Variants in NCAM2 observed in about 807,000 individuals in gnomAD.
NCAM2 encodes N-CAM-2.
In NCAM2, 30 loss-of-function variants were observed where a neutral mutation model predicts 98.1. The ratio of observed to expected loss-of-function variants is 0.31; its 90% CI spans 0.23 to 0.41. The LOEUF (loss-of-function observed/expected upper bound fraction) is 0.41, where lower values mean the gene tolerates loss of function less well. Among genes scored for constraint, NCAM2 ranks in the 10% least tolerant of loss-of-function variants. The pLI is 1.00. For missense variants in NCAM2, 867 were observed against 1,005.8 expected, an observed-to-expected ratio of 0.86 and a Z score of 1.87; for synonymous variants, 368 against 342.4, an observed-to-expected ratio of 1.07 and a Z score of -0.83.
At chr21:21,034,077 A>G (rs1379352224) in intron 1 of NCAM2, among the ~76,000 whole-genome samples, 1 of 151,826 alleles carries the variant, frequency 6.6e-6, no homozygotes, top group East Asian at 1.9e-4. Flanking sequence ...AAAGATTGAG[A>G]TAAGCAGATA....
intron 1 of NCAM2, among the ~76,000 whole-genome samples, chr21:21,270,635 C>T (rs895401491): frequency 2.0e-5 from 3 of 152,068 alleles, no homozygotes; most frequent in East Asian, 1.9e-4. Context: ...TCATACAATG[C>T]GTTTTAGGAA....
chr21:21,101,080 A>G (rs2066231140), intron 1 of NCAM2, among the ~76,000 whole-genome samples: 1 of 152,020 alleles, frequency 6.6e-6, no homozygotes, highest in South Asian at 2.1e-4. Context: ...GAGGTATTAC[A>G]AAGAAGAGAA....
At chr21:21,301,934 A>G (rs1299499336) in intron 5 of NCAM2, among the ~76,000 whole-genome samples, 1 of 145,580 alleles carries the variant, frequency 6.9e-6, no homozygotes, top group African/African-American at 2.6e-5. Context: ...ACCAGTTAGA[A>G]TGGCAATCAT....
intron 2 of NCAM2, among the ~76,000 whole-genome samples, chr21:21,283,677 A>C (rs995363088): frequency 3.3e-5 from 5 of 151,878 alleles, no homozygotes; most frequent in African/African-American, 1.2e-4. Flanking sequence ...ATTAATTTCA[A>C]ATTTAGTATT....
chr21:21,446,225 A>G (rs1349715204), intron 12 of NCAM2, among the ~76,000 whole-genome samples: 3 of 152,042 alleles, frequency 2.0e-5, no homozygotes, highest in Non-Finnish European at 4.4e-5. Flanking sequence ...GGGCTTCCCC[A>G]TGTAGGTGAC....
At position 21,156,476 on chromosome 21, in the gene NCAM2, T is replaced by A. The variant is rs187415862; in HGVS notation, c.56-124102T>A. Among the ~76,000 whole-genome samples the A allele has an allele frequency of 3.4e-3, 521 of 151,944 alleles. 3 individuals are homozygous for A. The highest frequency in any genetic ancestry group is 0.012 in the African/African-American group (503 of 41,472). On this transcript the variant is annotated intron_variant, in intron 1 of 17. Transcript: ENST00000400546. ...ACAGTATACCTAGTCAGAAAAAAAA[T>A]AATTGCTTGATAATCCTATGAAAGT...
chr21:21,291,887 TA>T, intron 4 of NCAM2, among the ~76,000 whole-genome samples: 1 of 139,092 alleles, frequency 7.2e-6, no homozygotes, highest in East Asian at 2.3e-4. Context: ...TATTTTATTT[TA>T]TTCTTTTAGG....
At chr21:21,314,043 T>G (rs1340500940) in intron 5 of NCAM2, among the ~76,000 whole-genome samples, 7 of 152,168 alleles carry the variant, frequency 4.6e-5, no homozygotes, top group Non-Finnish European at 2.9e-5. Flanking sequence ...TTTTATTCTT[T>G]CAACCATTAA....
chr21:21,059,622 T>C lies in NCAM2; in HGVS notation c.55+61004T>C, dbSNP rs375360064. Among the ~76,000 whole-genome samples, 78 of 152,220 alleles carry C rather than the reference T, an allele frequency of 5.1e-4. 3 individuals carry two copies. In the South Asian group the frequency reaches 0.016, roughly 31 times the overall value. ...ATAGCATTTCTCATACAAGCCACAT[T>C]TTATTGACAAGTTAAAAATGGTTTT... On this transcript the variant is annotated intron_variant, in intron 1 of 17. Transcript: ENST00000400546.
chr21:21,322,577 G>T (rs2074404110), intron 5 of NCAM2, among the ~76,000 whole-genome samples: 1 of 152,140 alleles, frequency 6.6e-6, no homozygotes, highest in African/African-American at 2.4e-5. Context: ...AACAGAATTG[G>T]AATTGAATTA....
intron 15 of NCAM2, among the ~76,000 whole-genome samples, chr21:21,495,295 A>G (rs1266507320): frequency 2.0e-5 from 3 of 152,028 alleles, no homozygotes; most frequent in South Asian, 2.1e-4. Flanking sequence ...AACTAATCAT[A>G]TATAAGGGGC....
chr21:21,265,430 T>C (rs1487718536), intron 1 of NCAM2, among the ~76,000 whole-genome samples: 1 of 38,006 alleles, frequency 2.6e-5, no homozygotes, highest in East Asian at 7.7e-3. Flanking sequence ...TATATGTGTG[T>C]ATATATATTA....
chr21:21,301,074 A>G (rs1686900690), intron 5 of NCAM2, among the ~76,000 whole-genome samples: 2 of 152,022 alleles, frequency 1.3e-5, no homozygotes, highest in African/African-American at 4.8e-5. Context: ...ATTTCTTTAA[A>G]TGGGATTGTT....
Position 21,284,387 on chromosome 21 carries a change from T to G in NCAM2, c.324T>G (p.Val108=). The change falls in exon 3 of 18, where the codon GTT becomes GTG. Residue 108 remains valine, a synonymous_variant. Transcript: ENST00000400546. ...AKGQTQEATV[V]LEIYQKLTFR... is the part of the protein sequence containing the mutation. Reference sequence around the variant, plus strand: ...GACAAACACAAGAAGCTACAGTAGTTTTGGAAATTTACCGTAAGTAATGTA... The same window carrying G: ...GACAAACACAAGAAGCTACAGTAGTGTTGGAAATTTACCGTAAGTAATGTA... The G allele has an allele frequency of 6.2e-7, 1 of 1,610,634 alleles. No homozygotes were observed. The highest frequency in any genetic ancestry group is 8.5e-7 in the Non-Finnish European group (1 of 1,177,430).
At chr21:21,028,972 A>G (rs1354132304) in intron 1 of NCAM2, among the ~76,000 whole-genome samples, 1 of 152,232 alleles carries the variant, frequency 6.6e-6, no homozygotes, top group African/African-American at 2.4e-5. Context: ...AAAATTCAGC[A>G]TGGAAAACTG....
intron 11 of NCAM2, among the ~76,000 whole-genome samples, chr21:21,430,403 T>TATATATA (rs71195328): frequency 1.3e-4 from 19 of 146,654 alleles, no homozygotes; most frequent in East Asian, 6.7e-4. Context: ...TTTATATATA[T>TATATATA]TAGCCCATTC....
At chr21:21,049,697 C>G (rs1168498738) in intron 1 of NCAM2, among the ~76,000 whole-genome samples, 1 of 151,862 alleles carries the variant, frequency 6.6e-6, no homozygotes, top group Non-Finnish European at 1.5e-5. Flanking sequence ...CATGGAGAAA[C>G]CCTGTCTCTA....
At chr21:21,357,150 A>G (rs746175845) in intron 8 of NCAM2, among the ~76,000 whole-genome samples, 34 of 152,170 alleles carry the variant, frequency 2.2e-4, no homozygotes, top group Non-Finnish European at 4.0e-4. Flanking sequence ...ACAAAATACC[A>G]GTTTTGAGTA....
rs563399841 is a variant in NCAM2 at position 21,488,879 on chromosome 21, A to C, written c.2077+11408A>C. On this transcript the variant is annotated intron_variant, in intron 15 of 17. Transcript: ENST00000400546. ...TGATCATACCTAAATATGTAACTTT[A>C]TGTGTTTTATTATGATTAATCTGTG... Among the ~76,000 whole-genome samples, 35 of 152,016 alleles carry C rather than the reference A, an allele frequency of 2.3e-4. 1 individual carries two copies. Among genetic ancestry groups the C allele is most frequent in the Admixed American group, 1.9e-3 (29 of 15,290 alleles).
Sources: allele counts gnomAD v4.1 joint callset (sites outside exome capture counted in the v4.1 genomes callset), GRCh38; gene constraint gnomAD v4.1.1; transcripts MANE v1.5; gene names NCBI Gene and HGNC (gene_info 2026-07-23, HGNC 2026-07-21).